Variants in PRUNE2 observed in about 807,000 individuals in gnomAD.
PRUNE2 encodes protein prune homolog 2.
In PRUNE2, 164 loss-of-function variants were observed where a neutral mutation model predicts 252.0. That is an observed-to-expected ratio of 0.65 (90% CI 0.57 to 0.74). The LOEUF (loss-of-function observed/expected upper bound fraction) is 0.74, where lower values mean the gene tolerates loss of function less well. Among genes scored for constraint, PRUNE2 ranks in the 30% least tolerant of loss-of-function variants. The pLI is 0.00. For synonymous variants in PRUNE2, 1,292 were observed against 1,350.2 expected (o/e 0.96, Z 0.94); for missense variants, 3,495 against 3,711.0 (o/e 0.94, Z 1.51).
At chr9:76,795,353 T>C (rs1208106234) in intron 6 of PRUNE2, among the ~76,000 whole-genome samples, 1 of 152,052 alleles carries the variant, frequency 6.6e-6, no homozygotes, top group African/African-American at 2.4e-5. Flanking sequence ...CAGACAAACA[T>C]TGAGAGAAGT....
rs10217714 is a variant in PRUNE2 at position 76,754,604 on chromosome 9, T to C, written c.757-40883A>G. Among the ~76,000 whole-genome samples, 685 of 152,318 alleles carry C rather than the reference T, an allele frequency of 4.5e-3. 3 individuals carry two copies. Among genetic ancestry groups the C allele is most frequent in the African/African-American group, 0.015 (620 of 41,574 alleles). On this transcript the variant is annotated intron_variant, in intron 6 of 18. Transcript: ENST00000376718. ...ATGGTGGCAGTTTGTACACTTGCTTTGCATTTGACCAGTTAGGTAGGACGT... is the reference window on the plus strand; with the variant it reads ...ATGGTGGCAGTTTGTACACTTGCTTCGCATTTGACCAGTTAGGTAGGACGT...
chr9:76,766,193 A>AC (rs2052365775), intron 6 of PRUNE2, among the ~76,000 whole-genome samples: 1 of 151,802 alleles, frequency 6.6e-6, no homozygotes, highest in Non-Finnish European at 1.5e-5. Flanking sequence ...AAAAAAAAAA[A>AC]AAAAACTCTT....
chr9:76,788,453 A>G, intron 6 of PRUNE2: 1 of 745,972 alleles, frequency 1.3e-6, no homozygotes. Flanking sequence ...CCAGGCATGC[A>G]TTTGGAGCCA....
At chr9:76,687,530 A>G in intron 9 of PRUNE2, 1 of 194,614 alleles carries the variant, frequency 5.1e-6, no homozygotes, top group Non-Finnish European at 1.1e-5. Flanking sequence ...CTCTCTCTCC[A>G]GGTAAAACCA....
At position 76,613,205 on chromosome 9, in the gene PRUNE2, G is replaced by A. The variant is rs564735281; in HGVS notation, c.*1365C>T. ...AATAAATTAGTTTGCAGCCTCATTT[G>A]TCCGTTCTGTTAGAGAAACTATCTA... is the stretch of plus-strand genomic sequence containing the variant. On this transcript the variant is annotated 3_prime_UTR_variant, in exon 19 of 19. Transcript: ENST00000376718. 1 of 152,270 alleles carries A rather than the reference G, an allele frequency of 6.6e-6. No homozygotes were observed. Among genetic ancestry groups the A allele is most frequent in the Non-Finnish European group, 1.5e-5 (1 of 68,022 alleles). 9.4% of individuals were successfully genotyped at this position (152,270 alleles called of 1,614,324 possible). A position where few individuals can be genotyped will look rare whatever the true frequency, so the allele number is the denominator to read the frequency against.
chr9:76,635,648 CA>C (rs372836126), intron 15 of PRUNE2, among the ~76,000 whole-genome samples: 5 of 151,538 alleles, frequency 3.3e-5, no homozygotes, highest in African/African-American at 1.2e-4. Flanking sequence ...TATGTACACA[CA>C]AAAAAAAGAT....
chr9:76,728,467 C>T (rs2048308971), intron 6 of PRUNE2, among the ~76,000 whole-genome samples: 1 of 152,090 alleles, frequency 6.6e-6, no homozygotes, highest in African/African-American at 2.4e-5. Context: ...GATTAATGTG[C>T]AGGTAGGGTG....
At chr9:76,783,192 A>G (rs1220461238) in intron 6 of PRUNE2, among the ~76,000 whole-genome samples, 2 of 152,218 alleles carry the variant, frequency 1.3e-5, no homozygotes, top group Non-Finnish European at 2.9e-5. Context: ...GTTCGAGTGC[A>G]ATGGCACAAT....
intron 1 of PRUNE2, among the ~76,000 whole-genome samples, chr9:76,861,332 C>A (rs972123169): frequency 3.9e-5 from 6 of 152,242 alleles, no homozygotes; most frequent in African/African-American, 1.4e-4. Context: ...TTGTTTCCAA[C>A]ACCATTCTCT....
Position 76,705,608 on chromosome 9 carries a change from G to A in PRUNE2, c.6666C>T (p.Asp2222=), listed in dbSNP as rs1165105384. The change falls in exon 8 of 19, where the codon GAC becomes GAT. Residue 2222 remains aspartate (D), a synonymous_variant. Transcript: ENST00000376718. ...PDMAPILEPV[D]RRIPRIENVA... ...CATTTTCAATCCTTGGGATTCTTCT[G>A]TCAACTGGTTCCAAAATTGGTGCCA... 1 of 1,614,006 alleles carries A rather than the reference G, an allele frequency of 6.2e-7. No individual in the cohort carries two copies. The highest frequency in any genetic ancestry group is 1.7e-5 in the Admixed American group (1 of 60,020).
chr9:76,686,630 A>C (rs1377512750), intron 9 of PRUNE2, among the ~76,000 whole-genome samples: 4 of 151,932 alleles, frequency 2.6e-5, no homozygotes, highest in Non-Finnish European at 5.9e-5. Context: ...GTTTTAAAAA[A>C]ATTTTTGGTA....
At chr9:76,691,611 T>C (rs1347775862) in intron 9 of PRUNE2, among the ~76,000 whole-genome samples, 1 of 152,156 alleles carries the variant, frequency 6.6e-6, no homozygotes, top group African/African-American at 2.4e-5. Context: ...CTAGCTTCAA[T>C]AGCAATTAGT....
At chr9:76,789,754 T>G (rs1443859579) in intron 6 of PRUNE2, among the ~76,000 whole-genome samples, 1 of 152,078 alleles carries the variant, frequency 6.6e-6, no homozygotes, top group Non-Finnish European at 1.5e-5. Context: ...TGCCTGGGCC[T>G]CTCCTCTCTC....
At chr9:76,798,698 CT>C (rs2056311676) in intron 6 of PRUNE2, among the ~76,000 whole-genome samples, 1 of 152,148 alleles carries the variant, frequency 6.6e-6, no homozygotes, top group African/African-American at 2.4e-5. Context: ...ACCAGAGCAC[CT>C]TACATGACCA....
chr9:76,870,234 A>G (rs1311705829), intron 1 of PRUNE2, among the ~76,000 whole-genome samples: 1 of 152,152 alleles, frequency 6.6e-6, no homozygotes, highest in Non-Finnish European at 1.5e-5. Flanking sequence ...AGGTCCTATT[A>G]AATATAAATT....
At chr9:76,649,926 G>A (rs1389201578) in intron 11 of PRUNE2, among the ~76,000 whole-genome samples, 1 of 125,096 alleles carries the variant, frequency 8.0e-6, no homozygotes, top group Non-Finnish European at 1.6e-5. Context: ...GCATTTGGTA[G>A]AGTAACGCTT....
At chr9:76,725,969 A>G (rs10869806) in intron 6 of PRUNE2, among the ~76,000 whole-genome samples, 32,041 of 152,200 alleles carry the variant, frequency 0.21, 3,830 homozygotes, top group East Asian at 0.57. Flanking sequence ...ACAGAAGCCA[A>G]GAAGAGCCTG....
At chr9:76,846,749 T>C in intron 3 of PRUNE2, 71 bp from the exon 4 acceptor site, 1 of 1,356,738 alleles carries the variant, frequency 7.4e-7, no homozygotes, top group Non-Finnish European at 1.0e-6. Flanking sequence ...AATGTTTAAA[T>C]CTCTGCTCTC....
At chr9:76,838,018 G>T (rs545776138) in intron 4 of PRUNE2, among the ~76,000 whole-genome samples, 1 of 151,876 alleles carries the variant, frequency 6.6e-6, no homozygotes, top group Admixed American at 6.6e-5. Flanking sequence ...TGATCTGCCC[G>T]CCTCAGCCTC....
Sources: gnomAD v4.1 joint callset for allele counts (sites outside exome capture counted in the v4.1 genomes callset) on GRCh38, gnomAD v4.1.1 for gene constraint, MANE v1.5 for transcripts, NCBI Gene and HGNC (gene_info 2026-07-23, HGNC 2026-07-21) for gene names.